Variants in RIT2 observed in about 807,000 individuals in gnomAD.
The protein encoded by RIT2 is Ras like without CAAX 2.
In RIT2, 24 loss-of-function variants were observed where a neutral mutation model predicts 23.7. That is an observed-to-expected ratio of 1.01 (90% CI 0.73 to 1.43). The LOEUF is 1.43. Ranked by LOEUF, RIT2 falls within the 40% of genes most tolerant of loss-of-function variation. RIT2 has a pLI of 0.00. For missense variants in RIT2, 236 were observed against 266.9 expected, an observed-to-expected ratio of 0.88 and a Z score of 0.81; for synonymous variants, 107 against 91.1, an observed-to-expected ratio of 1.17 and a Z score of -0.99.
chr18:42,753,743 T>C (rs1169810240), intron 4 of RIT2, among the ~76,000 whole-genome samples: 2 of 152,250 alleles, frequency 1.3e-5, no homozygotes, highest in Non-Finnish European at 2.9e-5. Context: ...TGTTTAGTTG[T>C]ATAATTGATT....
At chr18:42,907,431 T>C (rs1347339167) in intron 4 of RIT2, among the ~76,000 whole-genome samples, 1 of 152,006 alleles carries the variant, frequency 6.6e-6, no homozygotes, top group Non-Finnish European at 1.5e-5. Flanking sequence ...GTTGAAGGGG[T>C]TGAGCACAAT....
At chr18:42,770,897 T>C (rs888713614) in intron 4 of RIT2, among the ~76,000 whole-genome samples, 3 of 151,902 alleles carry the variant, frequency 2.0e-5, no homozygotes, top group East Asian at 1.9e-4. Context: ...GTTAAAAAGG[T>C]CATTTTCAAA....
At chr18:43,103,123 T>C (rs921717527) in intron 1 of RIT2, among the ~76,000 whole-genome samples, 2 of 152,158 alleles carry the variant, frequency 1.3e-5, no homozygotes, top group Non-Finnish European at 2.9e-5. Context: ...GTCTAGGTTG[T>C]TCCCAAGCCA....
intron 3 of RIT2, among the ~76,000 whole-genome samples, chr18:42,951,450 G>A (rs1239343695): frequency 6.6e-6 from 1 of 151,840 alleles, no homozygotes. Context: ...AGAGGGGAAA[G>A]CATTGAAAAA....
intron 4 of RIT2, among the ~76,000 whole-genome samples, chr18:42,837,153 CTTTTTTTTTTTTTTTTTTTTTTT>C (rs570701535): frequency 3.9e-5 from 2 of 51,682 alleles, no homozygotes; most frequent in Non-Finnish European, 7.2e-5. Flanking sequence ...TTTTCTTTTT[CTTTTTTTTTTTTTTTTTTTTTTT>C]TTTTTTTTTG....
chr18:42,999,943 G>A (rs1911066956), intron 2 of RIT2, among the ~76,000 whole-genome samples: 3 of 152,162 alleles, frequency 2.0e-5, no homozygotes, highest in Admixed American at 6.6e-5. Flanking sequence ...TTATTAGATT[G>A]TAAGGGAATA....
chr18:43,007,455 G>C (rs1911253161), intron 2 of RIT2, among the ~76,000 whole-genome samples: 1 of 151,646 alleles, frequency 6.6e-6, no homozygotes, highest in African/African-American at 2.4e-5. Context: ...CACAGGTTGT[G>C]GTGTTAAATC....
At chr18:42,928,982 G>A (rs1360818390) in intron 3 of RIT2, among the ~76,000 whole-genome samples, 6 of 138,176 alleles carry the variant, frequency 4.3e-5, no homozygotes, top group African/African-American at 2.7e-5. Context: ...TGACAGGCAT[G>A]TAAGATTTGA....
chr18:43,027,554 T>C (rs1911762130), intron 2 of RIT2, among the ~76,000 whole-genome samples: 5 of 151,946 alleles, frequency 3.3e-5, no homozygotes. Context: ...TTTAGAAGTA[T>C]CTTCTGGGTG....
At chr18:43,000,477 G>A (rs562902529) in intron 2 of RIT2, among the ~76,000 whole-genome samples, 1 of 152,102 alleles carries the variant, frequency 6.6e-6, no homozygotes, top group South Asian at 2.1e-4. Flanking sequence ...CTATGGACAG[G>A]ATGAAGAGAT....
intron 4 of RIT2, among the ~76,000 whole-genome samples, chr18:42,747,421 A>G (rs1912943733): frequency 6.6e-6 from 1 of 152,142 alleles, no homozygotes; most frequent in African/African-American, 2.4e-5. Context: ...AAATGAAAAC[A>G]CATCCCATGC....
At chr18:42,800,011 T>A (rs1482818044) in intron 4 of RIT2, among the ~76,000 whole-genome samples, 1 of 152,234 alleles carries the variant, frequency 6.6e-6, no homozygotes, top group East Asian at 1.9e-4. Flanking sequence ...ATCGGCTCCA[T>A]AAAGTTACAG....
At chr18:43,079,018 G>A (rs185852816) in intron 1 of RIT2, among the ~76,000 whole-genome samples, 7 of 152,258 alleles carry the variant, frequency 4.6e-5, no homozygotes, top group African/African-American at 1.7e-4. Context: ...CATTATGTTT[G>A]AATACTTAGC....
intron 4 of RIT2, among the ~76,000 whole-genome samples, chr18:42,865,247 T>G (rs916602227): frequency 2.6e-5 from 4 of 152,176 alleles, no homozygotes; most frequent in Non-Finnish European, 5.9e-5. Context: ...GCCATCCCAA[T>G]GTGTCCCTGG....
chr18:42,915,564 A>G (rs1011473775), intron 4 of RIT2, among the ~76,000 whole-genome samples: 2 of 151,984 alleles, frequency 1.3e-5, no homozygotes, highest in Admixed American at 1.3e-4. Context: ...ATCCATGAAA[A>G]CCAAACAATT....
intron 4 of RIT2, among the ~76,000 whole-genome samples, chr18:42,903,011 G>GA: frequency 6.6e-6 from 1 of 151,500 alleles, no homozygotes; most frequent in African/African-American, 2.4e-5. Flanking sequence ...AAAGATAAAA[G>GA]AAAAAAGTCA....
chr18:43,068,643 T>A (rs977767803), intron 1 of RIT2, among the ~76,000 whole-genome samples: 3 of 152,112 alleles, frequency 2.0e-5, no homozygotes, highest in Non-Finnish European at 4.4e-5. Flanking sequence ...TTTTGGCAAT[T>A]GAGAGAAAAT....
intron 3 of RIT2, among the ~76,000 whole-genome samples, chr18:42,926,186 A>G (rs1417118306): frequency 6.6e-6 from 1 of 151,872 alleles, no homozygotes; most frequent in African/African-American, 2.4e-5. Context: ...TTGTATCAAC[A>G]ATACTTTTTC....
rs763858354 is a variant in RIT2, at chr18:42,743,592, C to T, written c.555G>A (p.Glu185=). The T allele has an allele frequency of 1.9e-6, 3 of 1,614,056 alleles. No individual in the cohort carries two copies. The Admixed American group carries it at 5.0e-5, about 27-fold the overall frequency. ...TCTTTTCCATCAAGGATGGCATGGA[C>T]TCCTTCTTGCGAATTTCCCTCACTA... ...HGLVREIRKK[E]SMPSLMEKKL... The change falls in exon 5 of 5, where the codon GAG becomes GAA. Residue 185 remains glutamate, a synonymous_variant. Coordinates refer to ENST00000326695, the MANE Select transcript of RIT2 (RefSeq NM_002930.4).
Sources: gnomAD v4.1 joint callset for allele counts (sites outside exome capture counted in the v4.1 genomes callset) on GRCh38, gnomAD v4.1.1 for gene constraint, MANE v1.5 for transcripts, NCBI Gene and HGNC (gene_info 2026-07-23, HGNC 2026-07-21) for gene names.